The following ZNF682 variants were observed in gnomAD, a reference collection of about 807,000 sequenced individuals.
ZNF682 encodes zinc finger protein 682.
In ZNF682, 29 loss-of-function variants were observed where a neutral mutation model predicts 36.5. That is an observed-to-expected ratio of 0.80 (90% CI 0.59 to 1.08). The LOEUF is 1.08. Among genes scored for constraint, ZNF682 ranks in the 50% least tolerant of loss-of-function variants. The pLI, the probability that ZNF682 is intolerant of heterozygous loss-of-function variation, is 0.00. For missense variants in ZNF682, 561 were observed against 579.7 expected (o/e 0.97, Z 0.33); for synonymous variants, 180 against 197.0 (o/e 0.91, Z 0.72).
chr19:20,003,717 A>G (rs1161894667), downstream of ZNF682, among the ~76,000 whole-genome samples: 1 of 152,116 alleles, frequency 6.6e-6, no homozygotes, highest in Non-Finnish European at 1.5e-5. Context: ...AAAAAAAAAA[A>G]AGAAAATTAT....
chr19:20,007,075 T>C lies in ZNF682; in HGVS notation c.427A>G (p.Lys143Glu), dbSNP rs773417459. ...ACACATTTATTATATGGGAAAATTT[T>C]GCTAGGTAGAGTTGACAAACATTGG... is the stretch of plus-strand genomic sequence containing the variant. The part of the protein sequence containing the change: ...LNQCLSTLPS[K>E]IFPYNKCVKV... Residue 143 changes from lysine to glutamate, a missense_variant, in exon 4 of 4, where the codon AAA (lysine) becomes GAA (glutamate). Lys to Glu is a moderately conservative substitution (Grantham distance 56, BLOSUM62 1). Coordinates refer to ENST00000397165, the MANE Select transcript of ZNF682 (RefSeq NM_033196.3). The C allele has an allele frequency of 3.2e-5, 51 of 1,613,462 alleles. No individual in the cohort carries two copies. Among genetic ancestry groups the C allele is most frequent in the Non-Finnish European group, 4.2e-5 (49 of 1,179,946 alleles).
chr19:20,018,827 C>T (rs1020116382), intron 3 of ZNF682, among the ~76,000 whole-genome samples: 1 of 152,060 alleles, frequency 6.6e-6, no homozygotes, highest in Non-Finnish European at 1.5e-5. Flanking sequence ...TTTCTTGTTA[C>T]AAAAGACCAA....
intron 1 of ZNF682, among the ~76,000 whole-genome samples, chr19:20,025,432 C>A (rs565245399): frequency 6.6e-6 from 1 of 152,258 alleles, no homozygotes; most frequent in East Asian, 1.9e-4. Flanking sequence ...AATCCCAGCA[C>A]TTTGGGAGGC....
chr19:20,033,137 G>A (rs1349966368), intron 1 of ZNF682, among the ~76,000 whole-genome samples: 1 of 152,054 alleles, frequency 6.6e-6, no homozygotes, highest in African/African-American at 2.4e-5. Context: ...CGTTGTGGTG[G>A]GCACCTGTAA....
intron 3 of ZNF682, among the ~76,000 whole-genome samples, chr19:20,011,907 G>A (rs994567859): frequency 1.3e-5 from 2 of 152,060 alleles, no homozygotes; most frequent in African/African-American, 4.8e-5. Context: ...CGTGGTGGCA[G>A]GCGCCTGTAA....
In ZNF682 at chr19:20,039,433, C is replaced by T; in HGVS notation, c.-88G>A. 1 of 1,574,876 alleles carries T rather than the reference C, an allele frequency of 6.3e-7. No homozygotes were observed. Among genetic ancestry groups the T allele is most frequent in the South Asian group, 1.1e-5 (1 of 89,772 alleles). On this transcript the variant is annotated 5_prime_UTR_variant, in exon 1 of 4. Transcript: ENST00000397165. ...GGGCAACAGAGGCTGCGACAGTCAC[C>T]GGGAACTACTAGAGCAGAGGATACT...
At chr19:20,001,869 CCT>C (rs1164353462), downstream of ZNF682, among the ~76,000 whole-genome samples, 2 of 152,122 alleles carry the variant, frequency 1.3e-5, no homozygotes, top group African/African-American at 4.8e-5. Flanking sequence ...CTTTAATGAC[CCT>C]GTGTCCAAAT....
intron 3 of ZNF682, 61 bp downstream of exon 3, chr19:20,022,943 G>C: frequency 7.2e-7 from 1 of 1,382,464 alleles, no homozygotes; most frequent in Non-Finnish European, 1.0e-6. Flanking sequence ...CTTGAAGTCT[G>C]TCTTCCTTCT....
intron 3 of ZNF682, among the ~76,000 whole-genome samples, chr19:20,012,577 C>T (rs1041383144): frequency 2.0e-5 from 3 of 151,978 alleles, no homozygotes; most frequent in Non-Finnish European, 4.4e-5. Flanking sequence ...ACCATCCTGG[C>T]TAACACGGTG....
chr19:20,019,231 T>C (rs1187342332), intron 3 of ZNF682, among the ~76,000 whole-genome samples: 1 of 152,094 alleles, frequency 6.6e-6, no homozygotes, highest in Non-Finnish European at 1.5e-5. Flanking sequence ...CATTAACAAC[T>C]GTAACCACCC....
intron 2 of ZNF682, among the ~76,000 whole-genome samples, chr19:20,023,463 A>T (rs1175114575): frequency 1.3e-5 from 2 of 151,796 alleles, no homozygotes; most frequent in Non-Finnish European, 2.9e-5. Flanking sequence ...GCCACTGCAC[A>T]CTCCAGCCTG....
Position 20,039,324 on chromosome 19 carries a change from C to G in ZNF682, c.3+19G>C. The G allele has an allele frequency of 1.2e-6, 2 of 1,611,950 alleles. No homozygotes were observed. Among genetic ancestry groups the G allele is most frequent in the Non-Finnish European group, 1.7e-6 (2 of 1,179,834 alleles). ...CCAGCCCTGCCCCCACCTCGGGATGCGCGGCCTGGCACACTCACCATTTTT... is the reference window on the plus strand; with the variant it reads ...CCAGCCCTGCCCCCACCTCGGGATGGGCGGCCTGGCACACTCACCATTTTT... On this transcript the variant is annotated intron_variant, in intron 1 of 3. Transcript: ENST00000397165.
At chr19:19,997,695 G>A (rs2088136430) in intron 3 of ZNF682, among the ~76,000 whole-genome samples, 1 of 152,250 alleles carries the variant, frequency 6.6e-6, no homozygotes, top group Non-Finnish European at 1.5e-5. Flanking sequence ...TGGAGGCAAA[G>A]AGAGGACAAC....
At chr19:20,022,634 G>T (rs2088395712) in intron 3 of ZNF682, among the ~76,000 whole-genome samples, 1 of 151,958 alleles carries the variant, frequency 6.6e-6, no homozygotes, top group Non-Finnish European at 1.5e-5. Flanking sequence ...TTGCACTCCA[G>T]CCTGGGCAAC....
chr19:20,016,889 T>C (rs1006464485), intron 3 of ZNF682, among the ~76,000 whole-genome samples: 9 of 152,088 alleles, frequency 5.9e-5, no homozygotes, highest in Non-Finnish European at 1.2e-4. Context: ...AAAACACAAA[T>C]TTGCATAAAT....
intron 1 of ZNF682, among the ~76,000 whole-genome samples, chr19:20,037,665 G>C (rs1312982473): frequency 6.6e-6 from 1 of 152,152 alleles, no homozygotes; most frequent in Non-Finnish European, 1.5e-5. Context: ...GCCCCACTGT[G>C]TCCCTTAGAT....
chr19:20,031,725 G>A (rs1054496964), intron 1 of ZNF682, among the ~76,000 whole-genome samples: 2 of 152,096 alleles, frequency 1.3e-5, no homozygotes, highest in Non-Finnish European at 2.9e-5. Context: ...GGCGGATCAC[G>A]AGGTCAGGAG....
intron 2 of ZNF682, 41 bp downstream of exon 2, chr19:20,024,209 T>A: frequency 6.2e-7 from 1 of 1,610,352 alleles, no homozygotes; most frequent in East Asian, 2.2e-5. Context: ...AAATAAAATC[T>A]TTTGTGTGAA....
At chr19:20,002,335 C>T (rs749192996), downstream of ZNF682, among the ~76,000 whole-genome samples, 43 of 151,708 alleles carry the variant, frequency 2.8e-4, 1 homozygote, top group African/African-American at 9.4e-4. Flanking sequence ...CCTCATGATC[C>T]GCCCGCCTTG....
Sources: allele counts gnomAD v4.1 joint callset (sites outside exome capture counted in the v4.1 genomes callset), GRCh38; gene constraint gnomAD v4.1.1; transcripts MANE v1.5; gene names NCBI Gene and HGNC (gene_info 2026-07-23, HGNC 2026-07-21).